ZMAT4: variants seen among roughly 807,000 people sequenced by gnomAD.
The protein encoded by ZMAT4 is zinc finger matrin-type protein 4.
A neutral mutation model predicts 28.7 loss-of-function variants in ZMAT4; 17 were observed. The ratio of observed to expected loss-of-function variants is 0.59; its 90% CI spans 0.41 to 0.89. The LOEUF is 0.89. ZMAT4 is among the 40% of genes least tolerant of loss of function. The pLI, the probability that ZMAT4 is intolerant of heterozygous loss-of-function variation, is 0.00. For missense variants in ZMAT4, 240 were observed against 283.8 expected, an observed-to-expected ratio of 0.85 and a Z score of 1.11; for synonymous variants, 117 against 109.2, an observed-to-expected ratio of 1.07 and a Z score of -0.44.
chr8:40,752,317 C>T (rs1301478688), intron 3 of ZMAT4, among the ~76,000 whole-genome samples: 2 of 152,182 alleles, frequency 1.3e-5, no homozygotes, highest in East Asian at 1.9e-4. Flanking sequence ...CCTGACTTCT[C>T]CTCCTTCCCC....
At chr8:40,637,587 T>C (rs1806844600) in intron 5 of ZMAT4, among the ~76,000 whole-genome samples, 1 of 152,208 alleles carries the variant, frequency 6.6e-6, no homozygotes, top group African/African-American at 2.4e-5. Flanking sequence ...CAATGCCATA[T>C]TAAAATAGTT....
intron 5 of ZMAT4, among the ~76,000 whole-genome samples, chr8:40,664,754 T>C (rs891469842): frequency 6.6e-5 from 10 of 152,240 alleles, no homozygotes; most frequent in Admixed American, 4.6e-4. Context: ...GAGGTAATGA[T>C]TGCACAGCAA....
intron 1 of ZMAT4, among the ~76,000 whole-genome samples, chr8:40,884,197 C>G (rs1342302745): frequency 6.6e-6 from 1 of 151,584 alleles, no homozygotes; most frequent in Non-Finnish European, 1.5e-5. Flanking sequence ...CTCACCCACC[C>G]CATCACATGG....
intron 2 of ZMAT4, among the ~76,000 whole-genome samples, chr8:40,780,541 G>A (rs1034461178): frequency 2.6e-5 from 4 of 152,010 alleles, no homozygotes; most frequent in African/African-American, 7.2e-5. Context: ...TGTAGGCAAC[G>A]GGCACAAAAC....
chr8:40,630,220 G>T (rs1563375078), intron 5 of ZMAT4, among the ~76,000 whole-genome samples: 1 of 152,132 alleles, frequency 6.6e-6, no homozygotes, highest in Non-Finnish European at 1.5e-5. Context: ...TGTGTTAACT[G>T]GTATAAGAAA....
chr8:40,569,800 C>A (rs1303782230), intron 6 of ZMAT4, among the ~76,000 whole-genome samples: 1 of 152,140 alleles, frequency 6.6e-6, no homozygotes, highest in African/African-American at 2.4e-5. Context: ...CTGGACCCAA[C>A]TGCAGGGTGG....
chr8:40,556,796 T>C (rs1332714352), intron 6 of ZMAT4, among the ~76,000 whole-genome samples: 1 of 152,206 alleles, frequency 6.6e-6, no homozygotes, highest in African/African-American at 2.4e-5. Context: ...ACTTGGGATA[T>C]CTATCACCTT....
chr8:40,799,155 C>CTGGCTGGATGGA (rs61064515), intron 2 of ZMAT4, among the ~76,000 whole-genome samples: 29 of 146,190 alleles, frequency 2.0e-4, no homozygotes, highest in African/African-American at 6.4e-4. Context: ...GGCTGGCTGG[C>CTGGCTGGATGGA]TGGATGGATG....
intron 3 of ZMAT4, among the ~76,000 whole-genome samples, chr8:40,719,109 C>T (rs1298285070): frequency 6.6e-6 from 1 of 152,120 alleles, no homozygotes; most frequent in Admixed American, 6.6e-5. Flanking sequence ...ATGTTTTCTT[C>T]TCTCTCTTTT....
At chr8:40,838,899 A>G (rs1466351072) in intron 1 of ZMAT4, among the ~76,000 whole-genome samples, 1 of 152,202 alleles carries the variant, frequency 6.6e-6, no homozygotes, top group Non-Finnish European at 1.5e-5. Context: ...AATGATGGAG[A>G]TAAGAATGAA....
In ZMAT4 at chr8:40,643,873, A is replaced by G. The variant is rs189148741; in HGVS notation, c.577+30831T>C. 2.3e-3 allele frequency among the ~76,000 whole-genome samples: 352 copies of G among 152,150 alleles called. 3 individuals carry two copies. The highest frequency in any genetic ancestry group is 8.2e-3 in the African/African-American group (339 of 41,522). Reference sequence around the variant, plus strand: ...ATAAGAAATGAAAATAATTTTAGTAAGGATGCAGTTTAAACCAAGGTTGAT... The same window carrying G: ...ATAAGAAATGAAAATAATTTTAGTAGGGATGCAGTTTAAACCAAGGTTGAT... On this transcript the variant is annotated intron_variant, in intron 5 of 6. Coordinates refer to ENST00000297737, the MANE Select transcript of ZMAT4 (RefSeq NM_024645.3).
intron 2 of ZMAT4, among the ~76,000 whole-genome samples, chr8:40,817,171 T>C (rs746383273): frequency 1.3e-5 from 2 of 152,220 alleles, no homozygotes; most frequent in Non-Finnish European, 2.9e-5. Flanking sequence ...ATTGTTTTGT[T>C]ACTGATACAT....
rs192515176 is a variant in ZMAT4, at chr8:40,877,931, A to G, written c.-5+19752T>C. ...GGAGAGGGAACCCAAGTCCCGACAC[A>G]CTGAACAGTGGAAAGCTGCATCCAT... On this transcript the variant is annotated intron_variant, in intron 1 of 6. Coordinates refer to ENST00000297737, the MANE Select transcript of ZMAT4 (RefSeq NM_024645.3). 2.6e-5 allele frequency among the ~76,000 whole-genome samples: 4 copies of G among 152,348 alleles called. No homozygotes were observed. The East Asian group carries it at 7.7e-4, about 29-fold the overall frequency.
intron 3 of ZMAT4, among the ~76,000 whole-genome samples, chr8:40,760,993 CGGAAA>C: frequency 6.7e-6 from 1 of 149,582 alleles, no homozygotes; most frequent in East Asian, 2.0e-4. Context: ...ATTGCTAGTT[CGGAAA>C]TTAACAAAAG....
intron 2 of ZMAT4, among the ~76,000 whole-genome samples, chr8:40,792,867 A>G (rs1459937617): frequency 6.6e-6 from 1 of 151,852 alleles, no homozygotes; most frequent in Non-Finnish European, 1.5e-5. Flanking sequence ...GCTGCATCCT[A>G]TATGATACTA....
intron 5 of ZMAT4, among the ~76,000 whole-genome samples, chr8:40,632,507 T>G (rs1806630863): frequency 6.6e-6 from 1 of 152,032 alleles, no homozygotes; most frequent in Non-Finnish European, 1.5e-5. Context: ...GATCTTGAGG[T>G]GAGATCATCC....
In ZMAT4 at chr8:40,889,532, C is replaced by T. The variant is rs569247343; in HGVS notation, c.-5+8151G>A. The stretch of plus-strand genomic sequence containing the variant: ...AAGAAATCAAAAGTCATATGTTTCC[C>T]AAAATGCAGTGATAACCACCATGAA... On this transcript the variant is annotated intron_variant, in intron 1 of 6. Coordinates refer to ENST00000297737, the MANE Select transcript of ZMAT4 (RefSeq NM_024645.3). 1.4e-3 allele frequency among the ~76,000 whole-genome samples: 220 copies of T among 152,220 alleles called. 1 individual carries two copies. Among genetic ancestry groups the T allele is most frequent in the African/African-American group, 5.0e-3 (206 of 41,546 alleles).
At chr8:40,745,272 A>G (rs776823025) in intron 3 of ZMAT4, among the ~76,000 whole-genome samples, 2 of 152,206 alleles carry the variant, frequency 1.3e-5, no homozygotes, top group Non-Finnish European at 2.9e-5. Context: ...AGAGAAAGGA[A>G]AGATAAGTCC....
At chr8:40,802,344 A>C (rs1315252124) in intron 2 of ZMAT4, among the ~76,000 whole-genome samples, 1 of 152,200 alleles carries the variant, frequency 6.6e-6, no homozygotes. Context: ...AATCAACAAA[A>C]TGGCCCCTAG....
Sources: gnomAD v4.1 joint callset for allele counts (sites outside exome capture counted in the v4.1 genomes callset) on GRCh38, gnomAD v4.1.1 for gene constraint, MANE v1.5 for transcripts, NCBI Gene and HGNC (gene_info 2026-07-23, HGNC 2026-07-21) for gene names.